Variants in PDE4D observed in about 807,000 individuals in gnomAD.
PDE4D encodes 3',5'-cyclic-AMP phosphodiesterase 4D.
A neutral mutation model predicts 87.4 loss-of-function variants in PDE4D; 24 were observed. That is an observed-to-expected ratio of 0.27 (90% CI 0.20 to 0.39). The LOEUF (loss-of-function observed/expected upper bound fraction) is 0.39. PDE4D is among the 10% of genes least tolerant of loss of function. PDE4D has a pLI of 1.00. For synonymous variants in PDE4D, 384 were observed against 383.2 expected (o/e 1.00, Z -0.02); for missense variants, 714 against 1,041.0 (o/e 0.69, Z 4.32).
At chr5:59,608,879 C>T (rs952180175) in intron 1 of PDE4D, among the ~76,000 whole-genome samples, 7 of 152,222 alleles carry the variant, frequency 4.6e-5, no homozygotes, top group Admixed American at 4.6e-4. Flanking sequence ...TGTCTTTTGT[C>T]TCCGTCTCTG....
chr5:59,766,147 T>G (rs1444301207), intron 1 of PDE4D, among the ~76,000 whole-genome samples: 1 of 152,222 alleles, frequency 6.6e-6, no homozygotes, highest in Non-Finnish European at 1.5e-5. Flanking sequence ...CAAATGAGAT[T>G]TTTGTCAAAA....
chr5:59,874,534 G>A (rs1173328224), intron 1 of PDE4D, among the ~76,000 whole-genome samples: 1 of 151,868 alleles, frequency 6.6e-6, no homozygotes, highest in Non-Finnish European at 1.5e-5. Flanking sequence ...AAATAGACCT[G>A]TGTTTCTTTA....
At chr5:59,357,969 C>T (rs185716595) in intron 1 of PDE4D, among the ~76,000 whole-genome samples, 41 of 152,252 alleles carry the variant, frequency 2.7e-4, no homozygotes, top group African/African-American at 9.9e-4. Context: ...TGAATTTAAC[C>T]CTCTCTGAAC....
At chr5:60,379,237 G>A (rs1402073923) in intron 1 of PDE4D, among the ~76,000 whole-genome samples, 1 of 151,242 alleles carries the variant, frequency 6.6e-6, no homozygotes, top group Non-Finnish European at 1.5e-5. Context: ...AAGTCGTTTT[G>A]GCTATTTGCT....
At chr5:60,071,059 G>A (rs542411973) in intron 2 of PDE4D, among the ~76,000 whole-genome samples, 5 of 151,352 alleles carry the variant, frequency 3.3e-5, no homozygotes, top group African/African-American at 1.2e-4. Context: ...TTTATTTGAG[G>A]CATCGCTCTT....
chr5:59,945,237 T>C (rs1757611150), intron 3 of PDE4D, among the ~76,000 whole-genome samples: 1 of 152,240 alleles, frequency 6.6e-6, no homozygotes, highest in Non-Finnish European at 1.5e-5. Context: ...TGCCACAAAC[T>C]CTTCTACCAC....
chr5:59,217,917 T>C (rs1751613862), intron 1 of PDE4D: 2 of 407,798 alleles, frequency 4.9e-6, no homozygotes, highest in African/African-American at 2.1e-5. Context: ...TCCTTGGATA[T>C]GCTTAAATAG....
chr5:59,064,063 A>G (rs1763526683), intron 5 of PDE4D, among the ~76,000 whole-genome samples: 2 of 151,986 alleles, frequency 1.3e-5, no homozygotes, highest in Admixed American at 6.6e-5. Context: ...TTAAGTTAAA[A>G]AAAATGAGAA....
intron 2 of PDE4D, among the ~76,000 whole-genome samples, chr5:60,173,429 A>G (rs1783653131): frequency 6.6e-6 from 1 of 152,150 alleles, no homozygotes; most frequent in Admixed American, 6.6e-5. Flanking sequence ...TAGTCACATT[A>G]ACACATATAT....
At chr5:59,710,695 A>G (rs1754080288) in intron 1 of PDE4D, among the ~76,000 whole-genome samples, 1 of 152,128 alleles carries the variant, frequency 6.6e-6, no homozygotes, top group Non-Finnish European at 1.5e-5. Context: ...GGAGAAAAAT[A>G]CTCCATTGGT....
At chr5:60,190,199 A>T (rs1583020381) in intron 1 of PDE4D, among the ~76,000 whole-genome samples, 1 of 152,234 alleles carries the variant, frequency 6.6e-6, no homozygotes, top group African/African-American at 2.4e-5. Flanking sequence ...TCAAAAAGTT[A>T]AAAGAAAAGA....
intron 1 of PDE4D, among the ~76,000 whole-genome samples, chr5:59,605,869 G>C (rs948355752): frequency 1.3e-5 from 2 of 152,054 alleles, no homozygotes; most frequent in East Asian, 3.9e-4. Context: ...AGACTAAATG[G>C]AACTAATCCA....
At chr5:60,452,488 G>A (rs900138398) in intron 1 of PDE4D, among the ~76,000 whole-genome samples, 4 of 151,996 alleles carry the variant, frequency 2.6e-5, no homozygotes, top group Admixed American at 6.6e-5. Flanking sequence ...TTCATTCACC[G>A]ATTCCACAAA....
intron 1 of PDE4D, among the ~76,000 whole-genome samples, chr5:59,704,924 C>T (rs1753168610): frequency 1.3e-5 from 2 of 152,136 alleles, no homozygotes; most frequent in Non-Finnish European, 1.5e-5. Context: ...TATTTTAGTT[C>T]TCTAAAACTC....
At chr5:59,684,831 G>C (rs1039316389) in intron 1 of PDE4D, among the ~76,000 whole-genome samples, 1 of 152,182 alleles carries the variant, frequency 6.6e-6, no homozygotes, top group African/African-American at 2.4e-5. Context: ...GCTGATTTTG[G>C]CTTGAGGACT....
chr5:59,599,236 C>CTTTT (rs11409094), intron 1 of PDE4D, among the ~76,000 whole-genome samples: 22 of 142,272 alleles, frequency 1.5e-4, no homozygotes, highest in African/African-American at 5.2e-4. Context: ...TTTGCTTTTT[C>CTTTT]TTTTTTTTTT....
chr5:59,195,581 A>C (rs1745294542), intron 2 of PDE4D, among the ~76,000 whole-genome samples: 1 of 152,100 alleles, frequency 6.6e-6, no homozygotes, highest in Non-Finnish European at 1.5e-5. Context: ...CTTGGATTTT[A>C]CTCTCTGATG....
intron 1 of PDE4D, among the ~76,000 whole-genome samples, chr5:59,235,009 G>C (rs1221583115): frequency 6.6e-6 from 1 of 151,702 alleles, no homozygotes; most frequent in African/African-American, 2.4e-5. Context: ...TTTTTTTATA[G>C]AATTCAGAAC....
chr5:60,365,504 C>G (rs1760445028), intron 1 of PDE4D, among the ~76,000 whole-genome samples: 2 of 152,164 alleles, frequency 1.3e-5, no homozygotes, highest in African/African-American at 4.8e-5. Context: ...TTTACAACAC[C>G]TGCCCAACCT....
Sources: gnomAD v4.1 joint callset for allele counts (sites outside exome capture counted in the v4.1 genomes callset) on GRCh38, gnomAD v4.1.1 for gene constraint, MANE v1.5 for transcripts, NCBI Gene and HGNC (gene_info 2026-07-23, HGNC 2026-07-21) for gene names.